Variants in TANGO6 observed in about 807,000 individuals in gnomAD.
TANGO6 encodes transport and Golgi organization protein 6 homolog.
In TANGO6, 90 loss-of-function variants were observed where a neutral mutation model predicts 114.2. That is an observed-to-expected ratio of 0.79 (90% CI 0.66 to 0.94). The LOEUF (loss-of-function observed/expected upper bound fraction) is 0.94, where lower values mean the gene tolerates loss of function less well. TANGO6 is among the 40% of genes least tolerant of loss of function. The pLI is 0.00. For missense variants in TANGO6, 1,274 were observed against 1,315.3 expected, an observed-to-expected ratio of 0.97 and a Z score of 0.49; for synonymous variants, 477 against 509.8, an observed-to-expected ratio of 0.94 and a Z score of 0.87.
intron 14 of TANGO6, among the ~76,000 whole-genome samples, chr16:68,973,574 AG>A (rs983292615): frequency 3.9e-5 from 6 of 152,108 alleles, no homozygotes; most frequent in African/African-American, 1.4e-4. Flanking sequence ...AGTCCTACGA[AG>A]GGGGGACTCA....
At chr16:68,890,964 G>T (rs532434595) in intron 7 of TANGO6, among the ~76,000 whole-genome samples, 67 of 151,882 alleles carry the variant, frequency 4.4e-4, no homozygotes, top group Middle Eastern at 6.8e-3. Flanking sequence ...GGCGGAGGTT[G>T]CAGGGAGCCG....
At chr16:69,008,420 C>A (rs1270035787) in intron 15 of TANGO6, among the ~76,000 whole-genome samples, 2 of 152,112 alleles carry the variant, frequency 1.3e-5, no homozygotes, top group Non-Finnish European at 2.9e-5. Flanking sequence ...TTTGTACAGC[C>A]GAGATCTTGC....
intron 7 of TANGO6, 30 bp from the exon 8 acceptor site, chr16:68,900,404 G>A: frequency 1.9e-6 from 3 of 1,593,466 alleles, no homozygotes; most frequent in Non-Finnish European, 2.6e-6. Flanking sequence ...GCAGTCATGG[G>A]ATTATTCTTC....
intron 2 of TANGO6, 48 bp from the exon 3 acceptor site, chr16:68,862,897 G>T (rs1458038162): frequency 1.6e-6 from 2 of 1,274,074 alleles, no homozygotes; most frequent in Non-Finnish European, 2.2e-6. Context: ...ACCTTCTATT[G>T]TCTGCCTGGT....
chr16:68,851,306 C>T (rs979621124), intron 1 of TANGO6, among the ~76,000 whole-genome samples: 6 of 152,122 alleles, frequency 3.9e-5, no homozygotes, highest in African/African-American at 1.4e-4. Flanking sequence ...ATTACAGGTG[C>T]CTGCCACCAC....
chr16:68,969,711 A>C (rs969371736), intron 14 of TANGO6, among the ~76,000 whole-genome samples: 3 of 152,122 alleles, frequency 2.0e-5, no homozygotes, highest in African/African-American at 7.2e-5. Context: ...AAATCTGAAA[A>C]ATCATTGTTA....
chr16:69,072,140 T>C (rs1485999976), intron 17 of TANGO6, among the ~76,000 whole-genome samples: 2 of 151,506 alleles, frequency 1.3e-5, no homozygotes, highest in Non-Finnish European at 2.9e-5. Flanking sequence ...TGTGTGTGTG[T>C]GTGTGTGTGT....
At chr16:68,860,664 A>C in intron 2 of TANGO6, 140 bp downstream of exon 2, 2 of 1,149,330 alleles carry the variant, frequency 1.7e-6, no homozygotes, top group Non-Finnish European at 1.2e-6. Flanking sequence ...GGATAAATGA[A>C]TCTTTTGGGG....
In TANGO6 at chr16:68,860,033, G is replaced by A. The variant is rs1745590214; in HGVS notation, c.244G>A (p.Glu82Lys). 1 of 1,613,872 alleles carries A rather than the reference G, an allele frequency of 6.2e-7. No individual in the cohort carries two copies. The highest frequency in any genetic ancestry group is 8.5e-7 in the Non-Finnish European group (1 of 1,179,902). ...LLRDEIADKA[E>K]WPQNSVDVTW... Reference sequence around the variant, plus strand: ...AAGAGATGAAATTGCTGATAAGGCAGAATGGCCACAAAACTCTGTGGATGT... The same window carrying A: ...AAGAGATGAAATTGCTGATAAGGCAAAATGGCCACAAAACTCTGTGGATGT... Residue 82 changes from glutamate (E) to lysine (K), a missense_variant, in exon 2 of 18, where the codon GAA becomes AAA. Coordinates refer to ENST00000261778, the MANE Select transcript of TANGO6 (RefSeq NM_024562.2).
rs1307796690 is a variant in TANGO6, at chr16:68,843,601, G to A, written c.-17G>A. ...AGGCGCCTGAGCGGGTCGCGAGCGT[G>A]GTGTTACACTCCAGTCATGGCGGCC... On this transcript the variant is annotated 5_prime_UTR_variant, in exon 1 of 18. Transcript: ENST00000261778. The A allele has an allele frequency of 4.3e-6, 7 of 1,611,050 alleles. No individual in the cohort carries two copies. In the East Asian group the frequency reaches 1.6e-4, roughly 36 times the overall value.
chr16:68,862,416 C>T (rs890274588), intron 2 of TANGO6, among the ~76,000 whole-genome samples: 2 of 152,038 alleles, frequency 1.3e-5, no homozygotes, highest in Admixed American at 6.6e-5. Context: ...AGGCTGGTCT[C>T]GAACTCCTGA....
At chr16:68,926,387 G>A (rs1347335141) in intron 12 of TANGO6, among the ~76,000 whole-genome samples, 7 of 151,510 alleles carry the variant, frequency 4.6e-5, no homozygotes, top group African/African-American at 1.5e-4. Flanking sequence ...CCAGCTACTC[G>A]GGAGGCTGAG....
chr16:68,844,903 G>A (rs542249685), intron 1 of TANGO6, among the ~76,000 whole-genome samples: 2 of 151,578 alleles, frequency 1.3e-5, no homozygotes, highest in African/African-American at 4.8e-5. Context: ...TCAATTAAGA[G>A]TCAGACTGCA....
chr16:68,965,223 G>A lies in TANGO6; in HGVS notation c.2702-8805G>A, dbSNP rs538954754. ...CACCCAGGCTGGAGTGCAGTGGCAC[G>A]ATCTCAGCTCACTGCAACCTCCATC... On this transcript the variant is annotated intron_variant, in intron 14 of 17. Coordinates refer to ENST00000261778, the MANE Select transcript of TANGO6 (RefSeq NM_024562.2). 8.4e-4 allele frequency among the ~76,000 whole-genome samples: 127 copies of A among 152,048 alleles called. 1 individual carries two copies. Among genetic ancestry groups the A allele is most frequent in the African/African-American group, 2.4e-3 (100 of 41,496 alleles).
At chr16:68,922,722 A>G (rs10500546) in intron 12 of TANGO6, among the ~76,000 whole-genome samples, 12,755 of 152,094 alleles carry the variant, frequency 0.084, 594 homozygotes, top group African/African-American at 0.13. Context: ...TCTCTAAAGC[A>G]CGAGGCTGAG....
At chr16:69,063,222 G>GAAA (rs35318231) in intron 17 of TANGO6, among the ~76,000 whole-genome samples, 1 of 134,812 alleles carries the variant, frequency 7.4e-6, no homozygotes. Context: ...GACTTCGTCT[G>GAAA]AAAAAAAAAA....
chr16:68,930,127 C>A, intron 13 of TANGO6, 111 bp from the exon 14 acceptor site: 1 of 888,438 alleles, frequency 1.1e-6, no homozygotes, highest in Non-Finnish European at 1.8e-6. Flanking sequence ...AGTTTCTACC[C>A]AAGAAAAACA....
intron 15 of TANGO6, among the ~76,000 whole-genome samples, chr16:69,010,616 T>A (rs1424567236): frequency 2.6e-5 from 4 of 152,160 alleles, no homozygotes; most frequent in Non-Finnish European, 4.4e-5. Context: ...TCTGCCCCTA[T>A]GAGAATCCTT....
chr16:69,057,269 G>A (rs72789205), intron 17 of TANGO6, among the ~76,000 whole-genome samples: 11,131 of 151,964 alleles, frequency 0.073, 512 homozygotes, highest in Non-Finnish European at 0.1. Flanking sequence ...GAAAAATAGA[G>A]TATAAATTAA....
Sources: gnomAD v4.1 joint callset for allele counts (sites outside exome capture counted in the v4.1 genomes callset) on GRCh38, gnomAD v4.1.1 for gene constraint, MANE v1.5 for transcripts, NCBI Gene and HGNC (gene_info 2026-07-23, HGNC 2026-07-21) for gene names.